The following MYCBP2 variants were observed in gnomAD, a reference collection of about 807,000 sequenced individuals.
The protein encoded by MYCBP2 is MYC binding protein 2.
In MYCBP2, 120 loss-of-function variants were observed where a neutral mutation model predicts 525.3. The ratio of observed to expected loss-of-function variants is 0.23; its 90% confidence interval spans 0.20 to 0.27. The LOEUF (loss-of-function observed/expected upper bound fraction) is 0.27, where lower values mean the gene tolerates loss of function less well. Among genes scored for constraint, MYCBP2 ranks in the 10% least tolerant of loss-of-function variants. The probability of loss-of-function intolerance (pLI) is 1.00; values close to 1 mark genes in which losing one functional copy is unlikely to be tolerated. For synonymous variants in MYCBP2, 1,894 were observed against 1,955.8 expected (o/e 0.97, Z 0.83); for missense variants, 4,149 against 5,657.1 (o/e 0.73, Z 8.55).
chr13:77,072,390 T>C (rs890348876), intron 68 of MYCBP2, among the ~76,000 whole-genome samples: 4 of 149,886 alleles, frequency 2.7e-5, no homozygotes, highest in African/African-American at 9.8e-5. Context: ...ATACCCCAAA[T>C]TTGTGAAATG....
chr13:77,161,767 A>G, intron 44 of MYCBP2, 139 bp downstream of exon 44: 3 of 611,550 alleles, frequency 4.9e-6, no homozygotes, highest in Non-Finnish European at 8.5e-6. Context: ...ATGATAAGTT[A>G]TTTATCTCTA....
intron 26 of MYCBP2, among the ~76,000 whole-genome samples, chr13:77,195,722 A>G (rs1161107662): frequency 6.6e-6 from 1 of 152,192 alleles, no homozygotes; most frequent in Non-Finnish European, 1.5e-5. Context: ...TCAACAACTA[A>G]TTAGTCTTAT....
chr13:77,176,731 A>G (rs2059744257), intron 35 of MYCBP2, 103 bp from the exon 36 acceptor site: 5 of 973,834 alleles, frequency 5.1e-6, no homozygotes, highest in African/African-American at 1.7e-5. Context: ...ATTTTCTTGA[A>G]TATAAAATTA....
intron 8 of MYCBP2, among the ~76,000 whole-genome samples, chr13:77,264,656 A>G (rs1567094862): frequency 6.6e-6 from 1 of 152,108 alleles, no homozygotes; most frequent in Admixed American, 6.6e-5. Flanking sequence ...TTTCATCAAT[A>G]CTGCATGTAT....
intron 66 of MYCBP2, 110 bp from the exon 67 acceptor site, chr13:77,077,497 G>T: frequency 7.6e-7 from 1 of 1,322,714 alleles, no homozygotes; most frequent in Non-Finnish European, 1.0e-6. Flanking sequence ...ATTGCACAGA[G>T]TAAAGGTTAT....
intron 4 of MYCBP2, 53 bp from the exon 5 acceptor site, chr13:77,273,721 T>A (rs1280660329): frequency 1.6e-6 from 2 of 1,256,888 alleles, no homozygotes. Context: ...GAACATTATA[T>A]GCGTATATTT....
chr13:77,296,565 A>C, intron 2 of MYCBP2, 34 bp downstream of exon 2: 1 of 1,538,456 alleles, frequency 6.5e-7, no homozygotes, highest in African/African-American at 1.4e-5. Flanking sequence ...CATATGAAAA[A>C]GTCCTATTCC....
At chr13:77,103,179 T>C in intron 55 of MYCBP2, 1 of 397,568 alleles carries the variant, frequency 2.5e-6, no homozygotes, top group Non-Finnish European at 4.4e-6. Flanking sequence ...TCATTAAGAA[T>C]GGCCCATCCA....
Position 77,081,615 on chromosome 13 carries a change from T to C in MYCBP2, c.11230A>G (p.Ser3744Gly), listed in dbSNP as rs1214885039. 6.2e-7 allele frequency: 1 copy of C among 1,613,676 alleles called. No homozygotes were observed. The highest frequency in any genetic ancestry group is 1.3e-5 in the African/African-American group (1 of 75,006). ...CTTGAAGTTTTTATGTCAACAATGC[T>C]GGTTAAGTCCTTTAAGCACATTACT... ...CIVMCLKDLT[S>G]IVDIKTSSRP... The change falls in exon 65 of 83, where the codon AGC (serine) becomes GGC (glycine). Residue 3744 changes from serine (S) to glycine (G), a missense_variant. Around this residue, in one of 21 missense-constraint regions of MYCBP2, gnomAD observed 509 missense variants for 789.4 expected, o/e 0.64. Transcript: ENST00000544440. This position sits in a 1 kb window ranked among gnomAD's most constrained non-coding sequence, Gnocchi z 4.6.
At chr13:77,099,362 G>T in intron 55 of MYCBP2, 2 of 222,500 alleles carry the variant, frequency 9.0e-6, no homozygotes, top group South Asian at 7.3e-5. Context: ...AATCTTTTGG[G>T]GAATAAGAAA....
Position 77,045,417 on chromosome 13 carries a change from A to G in MYCBP2, c.13998T>C (p.Ala4666=). ...VVHPPTGEEF[A]LGCGVCRNAH... ...CATTTCTGCACACTCCACATCCCAG[A>G]GCAAACTCTTCCCCAGTGGGTGGAT... is the stretch of plus-strand genomic sequence containing the variant. Residue 4666 remains alanine (A), a synonymous_variant, in exon 83 of 83, where the codon GCT becomes GCC. Coordinates refer to ENST00000544440, the MANE Select transcript of MYCBP2 (RefSeq NM_015057.5). 6.2e-7 allele frequency: 1 copy of G among 1,614,182 alleles called. No individual in the cohort carries two copies. The highest frequency in any genetic ancestry group is 2.2e-5 in the East Asian group (1 of 44,890).
In MYCBP2 at chr13:77,129,185, A is replaced by C. The variant is rs1305046099; in HGVS notation, c.7660-2643T>G. 1.3e-5 allele frequency: 5 copies of C among 397,962 alleles called. No individual in the cohort carries two copies. In the Admixed American group the frequency reaches 2.2e-4, roughly 18 times the overall value. The allele number at this position is 397,962 out of a possible 1,614,324, so 24.7% of individuals were successfully genotyped here. On this transcript the variant is annotated intron_variant, in intron 52 of 82. Coordinates refer to ENST00000544440, the MANE Select transcript of MYCBP2 (RefSeq NM_015057.5). Reference sequence around the variant, plus strand: ...GGGAAAAAAGCTTTGGAAGTCCATGAAAATACGTCCAAATCCCTGACTCCT... The same window carrying C: ...GGGAAAAAAGCTTTGGAAGTCCATGCAAATACGTCCAAATCCCTGACTCCT...
intron 1 of MYCBP2, among the ~76,000 whole-genome samples, chr13:77,317,523 T>C (rs1043889243): frequency 6.6e-6 from 1 of 152,252 alleles, no homozygotes; most frequent in African/African-American, 2.4e-5. Flanking sequence ...CAGGGCATCA[T>C]GCCCAAGCTG....
In MYCBP2 at chr13:77,177,735, G is replaced by A; in HGVS notation, c.5340+13C>T. 6.3e-7 allele frequency: 1 copy of A among 1,591,914 alleles called. No individual in the cohort carries two copies. Among genetic ancestry groups the A allele is most frequent in the Non-Finnish European group, 8.6e-7 (1 of 1,159,742 alleles). The stretch of plus-strand genomic sequence containing the variant: ...CCACTAATCAGGATAAATACTAAAA[G>A]GGTGATACTTACATCATCAACCAAC... On this transcript the variant is annotated intron_variant, in intron 35 of 82. Transcript: ENST00000544440.
At position 77,051,829 on chromosome 13, in the gene MYCBP2, A is replaced by G; in HGVS notation, c.13737T>C (p.Ser4579=). 1.2e-6 allele frequency: 2 copies of G among 1,614,090 alleles called. No homozygotes were observed. The highest frequency in any genetic ancestry group is 1.7e-4 in the Middle Eastern group (1 of 6,060). The part of the protein sequence containing the change: ...DPRELICGAC[S]DVSRAQMCPK... ...TGCCTACCTGAGCCCTGGAAACATC[A>G]GAACAGGCACCACAAATGAGCTCTC... Residue 4579 remains serine (S), a synonymous_variant, in exon 81 of 83, where the codon TCT becomes TCC. Transcript: ENST00000544440.
At chr13:77,126,648 T>A in intron 52 of MYCBP2, 106 bp from the exon 53 acceptor site, 1 of 730,738 alleles carries the variant, frequency 1.4e-6, no homozygotes, top group Non-Finnish European at 2.2e-6. Context: ...ACTGTCAATA[T>A]AAAAAAAACA....
At chr13:77,233,625 A>T (rs1338617612) in intron 17 of MYCBP2, among the ~76,000 whole-genome samples, 1 of 152,102 alleles carries the variant, frequency 6.6e-6, no homozygotes, top group East Asian at 1.9e-4. Flanking sequence ...TCAGTAAACC[A>T]TGTATTCGTT....
At position 77,225,465 on chromosome 13, in the gene MYCBP2, C is replaced by T; in HGVS notation, c.2827G>A (p.Val943Ile). 2 of 1,613,716 alleles carry T rather than the reference C, an allele frequency of 1.2e-6. No individual in the cohort carries two copies. Among genetic ancestry groups the T allele is most frequent in the Non-Finnish European group, 1.7e-6 (2 of 1,179,742 alleles). ...TGGTGAAATCCACAGCTGACTTGGA[C>T]TGCCCGGAGCTCACAGTCAAATCGC... ...SVRFDCELRA[V>I]QVSCGFHHSV... Residue 943 changes from valine to isoleucine, a missense_variant, in exon 19 of 83, where the codon GTC (valine) becomes ATC (isoleucine). Around this residue, in one of 21 missense-constraint regions of MYCBP2, gnomAD observed 620 missense variants for 795.5 expected, o/e 0.78. Coordinates refer to ENST00000544440, the MANE Select transcript of MYCBP2 (RefSeq NM_015057.5).
At chr13:77,189,283 C>T (rs2061059426) in intron 29 of MYCBP2, among the ~76,000 whole-genome samples, 1 of 152,008 alleles carries the variant, frequency 6.6e-6, no homozygotes, top group Non-Finnish European at 1.5e-5. Context: ...AGGCTTTTTC[C>T]TCTTCTTAGA....
Sources: gnomAD v4.1 joint callset for allele counts (sites outside exome capture counted in the v4.1 genomes callset) on GRCh38, gnomAD v4.1.1 for gene constraint, gnomAD v4.1.1 regional missense constraint, Gnocchi (gnomAD v3.1) non-coding constraint, MANE v1.5 for transcripts, NCBI Gene and HGNC (gene_info 2026-07-23, HGNC 2026-07-21) for gene names.